LHFPL2: variants seen among roughly 807,000 people sequenced by gnomAD.
LHFPL2 encodes the protein LHFPL tetraspan subfamily member 2 protein.
LHFPL2 carries 7 observed loss-of-function variants against 17.5 expected under a neutral mutation model. That is an observed-to-expected ratio of 0.40 (90% CI 0.23 to 0.75). LHFPL2 has a LOEUF of 0.75. LHFPL2 is among the 30% of genes least tolerant of loss of function. The pLI is 0.37. For synonymous variants in LHFPL2, 134 were observed against 116.2 expected, an observed-to-expected ratio of 1.15 and a Z score of -0.99; for missense variants, 241 against 294.8, an observed-to-expected ratio of 0.82 and a Z score of 1.34.
chr5:78,564,628 CA>C (rs1192789574), intron 3 of LHFPL2, among the ~76,000 whole-genome samples, 184 bp downstream of exon 3: 1 of 152,196 alleles, frequency 6.6e-6, no homozygotes, highest in Non-Finnish European at 1.5e-5. Context: ...AGAAACTTCA[CA>C]GGGTTGTTTA....
chr5:78,529,460 A>G (rs1755714988), intron 3 of LHFPL2, among the ~76,000 whole-genome samples: 1 of 152,240 alleles, frequency 6.6e-6, no homozygotes, highest in Non-Finnish European at 1.5e-5. Context: ...TGAAGCATGA[A>G]GCCACACATT....
chr5:78,575,823 T>C (rs952196441), intron 2 of LHFPL2, among the ~76,000 whole-genome samples: 1 of 152,206 alleles, frequency 6.6e-6, no homozygotes, highest in African/African-American at 2.4e-5. Flanking sequence ...TGGAAAAGTC[T>C]TCATCCTGCA....
At chr5:78,570,419 G>A (rs1407592267) in intron 2 of LHFPL2, among the ~76,000 whole-genome samples, 1 of 152,016 alleles carries the variant, frequency 6.6e-6, no homozygotes, top group East Asian at 1.9e-4. Context: ...GTCCAAGGCA[G>A]GGGGGATCCT....
chr5:78,528,380 C>T (rs980405604), intron 3 of LHFPL2, among the ~76,000 whole-genome samples: 2 of 152,220 alleles, frequency 1.3e-5, no homozygotes, highest in Admixed American at 6.5e-5. Context: ...ATTAGATTCT[C>T]ATAGGAGCAC....
chr5:78,575,677 C>T (rs925708731), intron 2 of LHFPL2, among the ~76,000 whole-genome samples: 4 of 152,122 alleles, frequency 2.6e-5, no homozygotes, highest in African/African-American at 4.8e-5. Flanking sequence ...GCAAAGAAAA[C>T]AGCACTAAAA....
At chr5:78,566,772 T>A (rs1580813091) in intron 2 of LHFPL2, among the ~76,000 whole-genome samples, 1 of 152,224 alleles carries the variant, frequency 6.6e-6, no homozygotes, top group Non-Finnish European at 1.5e-5. Flanking sequence ...GATGACTTTT[T>A]AAAAATGGTT....
intron 3 of LHFPL2, among the ~76,000 whole-genome samples, chr5:78,523,203 C>T (rs1026252929): frequency 1.3e-5 from 2 of 151,928 alleles, no homozygotes; most frequent in Non-Finnish European, 2.9e-5. Context: ...TATCTGCTAG[C>T]TATATAGTAT....
intron 4 of LHFPL2, among the ~76,000 whole-genome samples, chr5:78,498,494 C>T (rs565491114): frequency 3.9e-5 from 6 of 152,334 alleles, no homozygotes; most frequent in Non-Finnish European, 7.3e-5. Context: ...TTGTAGGCCA[C>T]CAACTGTTGC....
intron 2 of LHFPL2, among the ~76,000 whole-genome samples, chr5:78,630,522 T>G (rs1235653039): frequency 1.3e-5 from 2 of 152,116 alleles, no homozygotes; most frequent in Non-Finnish European, 2.9e-5. Flanking sequence ...ATCGAACCCC[T>G]GGGAAACTTG....
chr5:78,582,264 T>G lies in LHFPL2; in HGVS notation c.-244-17393A>C, dbSNP rs548269387. On this transcript the variant is annotated intron_variant, in intron 2 of 4. Transcript: ENST00000380345. ...CCTGGATTCATTAATTTTTTGAAGG[T>G]TTTTTTGTGTCTCTATTTCCTTCAG... 6.4e-3 allele frequency among the ~76,000 whole-genome samples: 968 copies of G among 152,026 alleles called. 10 individuals are homozygous for G. The highest frequency in any genetic ancestry group is 0.022 in the African/African-American group (922 of 41,484).
chr5:78,617,706 T>G (rs1185204175), intron 2 of LHFPL2, among the ~76,000 whole-genome samples: 1 of 152,120 alleles, frequency 6.6e-6, no homozygotes, highest in East Asian at 1.9e-4. Flanking sequence ...AGAGCAATAA[T>G]TTAGGAGAGG....
rs1032492854 is a variant in LHFPL2, at chr5:78,550,868, G to A, written c.-186+13945C>T. 7.9e-5 allele frequency among the ~76,000 whole-genome samples: 12 copies of A among 152,296 alleles called. No homozygotes were observed. In the East Asian group the frequency reaches 2.1e-3, roughly 27 times the overall value. ...TTACAGGCGTCAGTCACCGTGCCCAGCCATACTTCTGTATTTATTCTCATA... is the reference window on the plus strand; with the variant it reads ...TTACAGGCGTCAGTCACCGTGCCCAACCATACTTCTGTATTTATTCTCATA... On this transcript the variant is annotated intron_variant, in intron 3 of 4. Coordinates refer to ENST00000380345, the MANE Select transcript of LHFPL2 (RefSeq NM_005779.3).
intron 4 of LHFPL2, among the ~76,000 whole-genome samples, chr5:78,505,991 G>A (rs1005040730): frequency 6.6e-6 from 1 of 152,264 alleles, no homozygotes; most frequent in Non-Finnish European, 1.5e-5. Context: ...TACTGAGTGA[G>A]TGCTGAATGT....
At chr5:78,519,825 A>G (rs1755396176) in intron 3 of LHFPL2, among the ~76,000 whole-genome samples, 1 of 152,212 alleles carries the variant, frequency 6.6e-6, no homozygotes, top group African/African-American at 2.4e-5. Context: ...TCCTTTTGCC[A>G]CTTAGATCTT....
chr5:78,641,093 G>A (rs1338347249), intron 1 of LHFPL2, among the ~76,000 whole-genome samples: 2 of 152,322 alleles, frequency 1.3e-5, no homozygotes, highest in Non-Finnish European at 2.9e-5. Context: ...GGAAGGGTGT[G>A]CAAAGCAGTT....
intron 3 of LHFPL2, among the ~76,000 whole-genome samples, chr5:78,550,829 C>G (rs1464372616): frequency 6.6e-6 from 1 of 152,164 alleles, no homozygotes; most frequent in African/African-American, 2.4e-5. Flanking sequence ...TCTCAGCCTC[C>G]CAAAGTGCTG....
intron 2 of LHFPL2, among the ~76,000 whole-genome samples, chr5:78,600,356 T>TA (rs113903827): frequency 0.023 from 3,516 of 149,874 alleles, 133 homozygotes; most frequent in African/African-American, 0.081. Flanking sequence ...TACAGGTGAT[T>TA]AAAAAAAAAA....
intron 2 of LHFPL2, among the ~76,000 whole-genome samples, chr5:78,601,897 A>G (rs566799967): frequency 6.6e-6 from 1 of 152,332 alleles, no homozygotes; most frequent in East Asian, 1.9e-4. Flanking sequence ...ACACTGCTCC[A>G]CAATCATAAA....
intron 3 of LHFPL2, among the ~76,000 whole-genome samples, chr5:78,559,869 G>C (rs1166255581): frequency 6.6e-6 from 1 of 152,184 alleles, no homozygotes; most frequent in East Asian, 1.9e-4. Context: ...TTCAGCTAAA[G>C]ATTCTTCAAA....
Sources: gnomAD v4.1 joint callset for allele counts (sites outside exome capture counted in the v4.1 genomes callset) on GRCh38, gnomAD v4.1.1 for gene constraint, MANE v1.5 for transcripts, NCBI Gene and HGNC (gene_info 2026-07-23, HGNC 2026-07-21) for gene names.